The following FOXP2 variants were observed in gnomAD, a reference collection of about 807,000 sequenced individuals.
FOXP2 encodes forkhead box P2, also known as forkhead box protein P2.
FOXP2 carries 12 observed loss-of-function variants against 115.8 expected under a neutral mutation model. That is an observed-to-expected ratio of 0.10 (90% CI 0.07 to 0.17). The LOEUF (loss-of-function observed/expected upper bound fraction) is 0.17, where lower values mean the gene tolerates loss of function less well. Ranked by LOEUF, FOXP2 falls within the 10% of genes least tolerant of loss-of-function variation. The pLI is 1.00. For synonymous variants in FOXP2, 328 were observed against 297.7 expected (o/e 1.10, Z -1.05); for missense variants, 629 against 843.5 (o/e 0.75, Z 3.15).
At chr7:114,148,661 C>G (rs1386665347) in intron 1 of FOXP2, among the ~76,000 whole-genome samples, 3 of 152,164 alleles carry the variant, frequency 2.0e-5, no homozygotes, top group Non-Finnish European at 4.4e-5. Flanking sequence ...TGAAGTCAAG[C>G]AAACTGCTTT....
chr7:114,393,784 A>G (rs183551810), intron 2 of FOXP2, among the ~76,000 whole-genome samples: 168 of 152,298 alleles, frequency 1.1e-3, no homozygotes, highest in Non-Finnish European at 1.5e-3. Context: ...AATTGATCAC[A>G]TAAGTACACA....
At chr7:114,439,828 C>A (rs951201814) in intron 2 of FOXP2, among the ~76,000 whole-genome samples, 2 of 152,106 alleles carry the variant, frequency 1.3e-5, no homozygotes, top group South Asian at 4.1e-4. Context: ...CCCGCCTTGA[C>A]CTCCACAAGT....
At chr7:114,235,245 T>C (rs1017522503) in intron 1 of FOXP2, among the ~76,000 whole-genome samples, 17 of 152,234 alleles carry the variant, frequency 1.1e-4, no homozygotes, top group Non-Finnish European at 2.5e-4. Flanking sequence ...ATTATTCTTA[T>C]GTCTATGTTC....
chr7:114,476,716 G>T (rs1406016145), intron 2 of FOXP2, among the ~76,000 whole-genome samples: 1 of 151,918 alleles, frequency 6.6e-6, no homozygotes, highest in Non-Finnish European at 1.5e-5. Context: ...GGGCAGTTTA[G>T]CTATGTTTAG....
In FOXP2 at chr7:114,534,569, C is replaced by T. The variant is rs181978130; in HGVS notation, c.169-48C>T. ...CTATTAACCAAGAGATAATTGATAA[C>T]TTAACTTTCAACAAAATATTTAGAT... On this transcript the variant is annotated intron_variant, in intron 2 of 16. Transcript: ENST00000350908. The T allele has an allele frequency of 6.6e-3, 9,900 of 1,497,180 alleles. 51 individuals are homozygous for T. Among genetic ancestry groups the T allele is most frequent in the Non-Finnish European group, 7.5e-3 (8,106 of 1,074,288 alleles). The allele number at this position is 1,497,180 out of a possible 1,614,324, so 92.7% of individuals were successfully genotyped here.
chr7:114,099,710 A>G (rs565114845), intron 1 of FOXP2, among the ~76,000 whole-genome samples: 137 of 152,322 alleles, frequency 9.0e-4, no homozygotes, highest in Non-Finnish European at 1.3e-3. Context: ...TCCCTTGGAC[A>G]CCAGAATCCA....
chr7:114,564,243 G>GT (rs11284890), intron 3 of FOXP2, among the ~76,000 whole-genome samples: 46 of 151,742 alleles, frequency 3.0e-4, no homozygotes, highest in Non-Finnish European at 4.0e-4. Flanking sequence ...CTCCCTTTCT[G>GT]TTTTTTTTTA....
At chr7:114,196,749 C>T (rs1793921743) in intron 1 of FOXP2, among the ~76,000 whole-genome samples, 1 of 152,196 alleles carries the variant, frequency 6.6e-6, no homozygotes, top group African/African-American at 2.4e-5. Flanking sequence ...CTTTAACAAG[C>T]TCTACTTGTG....
In FOXP2 at chr7:114,586,654, T is replaced by C. The variant is rs550012503; in HGVS notation, c.259-41886T>C. ...AAATAAGGTGCTTTCAGATATTATATGAATTTAAGTTATTTCTGTTTCTTT... is the reference window on the plus strand; with the variant it reads ...AAATAAGGTGCTTTCAGATATTATACGAATTTAAGTTATTTCTGTTTCTTT... On this transcript the variant is annotated intron_variant, in intron 3 of 16. Transcript: ENST00000350908. 1.1e-4 allele frequency among the ~76,000 whole-genome samples: 17 copies of C among 152,228 alleles called. No individual in the cohort carries two copies. The South Asian group carries it at 3.3e-3, about 30-fold the overall frequency.
chr7:114,319,057 GA>G lies in FOXP2; in HGVS notation c.-11+30952del, dbSNP rs1797343712. Among the ~76,000 whole-genome samples, 3 of 147,118 alleles carry G rather than the reference GA, an allele frequency of 2.0e-5. No homozygotes were observed. In the Admixed American group the frequency reaches 2.2e-4, roughly 11 times the overall value. On this transcript the variant is annotated intron_variant, in intron 2 of 17. Coordinates refer to the FOXP2 transcript ENST00000634411. The stretch of plus-strand genomic sequence containing the variant: ...GATTAGCTAGCAACCCTGCCCTAAT[GA>G]AAATATGGGAGCAGAACATTAGTGT...
At chr7:114,381,972 G>A (rs1792315470) in intron 2 of FOXP2, among the ~76,000 whole-genome samples, 1 of 152,112 alleles carries the variant, frequency 6.6e-6, no homozygotes, top group South Asian at 2.1e-4. Flanking sequence ...CCTTCCTCAA[G>A]CAGGGGACAA....
intron 2 of FOXP2, among the ~76,000 whole-genome samples, chr7:114,320,124 C>T (rs370377980): frequency 1.1e-4 from 16 of 152,340 alleles, no homozygotes; most frequent in South Asian, 8.3e-4. Flanking sequence ...GCCACCATTT[C>T]CCAGCACTCT....
Position 114,642,491 on chromosome 7 carries a change from A to G in FOXP2, c.857A>G (p.His286Arg). ...VHSMEDNGIK[H>R]GGLDLTTNNS... Reference sequence around the variant, plus strand: ...AGTATGGAAGACAATGGCATTAAACATGGAGGGCTAGACCTCACTACTAAC... The same window carrying G: ...AGTATGGAAGACAATGGCATTAAACGTGGAGGGCTAGACCTCACTACTAAC... The change falls in exon 7 of 17, where the codon CAT (histidine) becomes CGT (arginine). Residue 286 changes from histidine to arginine, a missense_variant. Transcript: ENST00000350908. The G allele has an allele frequency of 6.2e-7, 1 of 1,613,890 alleles. No homozygotes were observed. The highest frequency in any genetic ancestry group is 8.5e-7 in the Non-Finnish European group (1 of 1,179,930).
At chr7:114,124,924 T>C (rs1791666091) in intron 1 of FOXP2, among the ~76,000 whole-genome samples, 1 of 152,090 alleles carries the variant, frequency 6.6e-6, no homozygotes, top group Non-Finnish European at 1.5e-5. Context: ...CTGTGAGGCA[T>C]ACGTTTTACT....
At chr7:114,548,130 T>G (rs1800025474) in intron 3 of FOXP2, among the ~76,000 whole-genome samples, 1 of 152,076 alleles carries the variant, frequency 6.6e-6, no homozygotes, top group Admixed American at 6.6e-5. Context: ...TAACTCTCCT[T>G]CCTCCAAGCA....
At chr7:114,641,164 T>C (rs931617734) in intron 6 of FOXP2, among the ~76,000 whole-genome samples, 2 of 152,212 alleles carry the variant, frequency 1.3e-5, no homozygotes, top group African/African-American at 2.4e-5. Flanking sequence ...TCTTAGTTTG[T>C]TTCCTTTTCC....
intron 10 of FOXP2, 149 bp downstream of exon 10, chr7:114,654,158 G>T (rs146062027): frequency 1.3e-6 from 2 of 1,519,950 alleles, no homozygotes; most frequent in Non-Finnish European, 8.8e-7. Flanking sequence ...TTGTCAAATT[G>T]TATGTTTCTT....
At chr7:114,200,981 C>T (rs1043129216) in intron 1 of FOXP2, among the ~76,000 whole-genome samples, 2 of 151,956 alleles carry the variant, frequency 1.3e-5, no homozygotes, top group East Asian at 3.9e-4. Context: ...ATGGTGAAAC[C>T]CTGTTTCTAC....
intron 3 of FOXP2, among the ~76,000 whole-genome samples, chr7:114,537,443 A>T (rs1799453170): frequency 6.6e-6 from 1 of 151,564 alleles, no homozygotes; most frequent in South Asian, 2.1e-4. Context: ...TTGAAAGAAA[A>T]TACAGATTTC....
Sources: allele counts gnomAD v4.1 joint callset (sites outside exome capture counted in the v4.1 genomes callset), GRCh38; gene constraint gnomAD v4.1.1; transcripts MANE v1.5; gene names NCBI Gene and HGNC (gene_info 2026-07-23, HGNC 2026-07-21).